Variants in XRCC4 observed in about 807,000 individuals in gnomAD.
The protein encoded by XRCC4 is DNA repair protein XRCC4.
In XRCC4, 28 loss-of-function variants were observed where a neutral mutation model predicts 39.1. The observed-to-expected ratio is 0.72, with a 90% CI of 0.53 to 0.98. The LOEUF (loss-of-function observed/expected upper bound fraction) is 0.98. Among genes scored for constraint, XRCC4 ranks in the 50% least tolerant of loss-of-function variants. The pLI, the probability that XRCC4 is intolerant of heterozygous loss-of-function variation, is 0.00. For synonymous variants in XRCC4, 123 were observed against 126.4 expected (o/e 0.97, Z 0.18); for missense variants, 350 against 376.4 (o/e 0.93, Z 0.58).
At chr5:83,124,094 A>T (rs1008444005) in intron 3 of XRCC4, among the ~76,000 whole-genome samples, 1 of 152,258 alleles carries the variant, frequency 6.6e-6, no homozygotes, top group Admixed American at 6.5e-5. Context: ...TACAGACTGT[A>T]CACAGATTTT....
intron 6 of XRCC4, among the ~76,000 whole-genome samples, chr5:83,207,281 A>T (rs1323645273): frequency 2.6e-5 from 4 of 152,100 alleles, no homozygotes. Flanking sequence ...GAGAAAGAGG[A>T]CTTTTATGTG....
Position 83,353,450 on chromosome 5 carries a change from C to G in XRCC4, c.*208C>G, listed in dbSNP as rs1367078328. ...GATGACACTGGCACATTATTCTAAA[C>G]TATTCATTCAGCATGCCTATAATTA... On this transcript the variant is annotated 3_prime_UTR_variant, in exon 8 of 8. Transcript: ENST00000396027. The G allele has an allele frequency of 1.0e-5, 4 of 389,140 alleles. No homozygotes were observed. The highest frequency in any genetic ancestry group is 1.4e-5 in the Non-Finnish European group (3 of 217,212). 24.1% of individuals were successfully genotyped at this position (389,140 alleles called of 1,614,324 possible). A position where few individuals can be genotyped will look rare whatever the true frequency, so the allele number is the denominator to read the frequency against.
intron 7 of XRCC4, among the ~76,000 whole-genome samples, chr5:83,274,743 T>C (rs1200146283): frequency 1.3e-5 from 2 of 152,120 alleles, no homozygotes; most frequent in African/African-American, 4.8e-5. Context: ...AGCAAATCCA[T>C]TGTATTGAAG....
intron 3 of XRCC4, among the ~76,000 whole-genome samples, chr5:83,191,655 A>G (rs1334511458): frequency 1.3e-5 from 2 of 152,150 alleles, no homozygotes; most frequent in African/African-American, 2.4e-5. Context: ...AGCCGAGATC[A>G]TGCCACTGTA....
At chr5:83,291,029 TAA>T (rs1322807167) in intron 7 of XRCC4, among the ~76,000 whole-genome samples, 1 of 151,906 alleles carries the variant, frequency 6.6e-6, no homozygotes. Context: ...TGGTAGAAAA[TAA>T]AGTGAACTTT....
At chr5:83,334,252 C>T (rs1330761915) in intron 7 of XRCC4, among the ~76,000 whole-genome samples, 1 of 152,064 alleles carries the variant, frequency 6.6e-6, no homozygotes, top group Non-Finnish European at 1.5e-5. Context: ...ATATATGCTA[C>T]TCTCTTGGTT....
intron 1 of XRCC4, among the ~76,000 whole-genome samples, chr5:83,092,259 C>T (rs533030856): frequency 6.6e-6 from 1 of 152,154 alleles, no homozygotes; most frequent in Non-Finnish European, 1.5e-5. Context: ...TGGATATTAG[C>T]CCTTTACCAA....
intron 3 of XRCC4, among the ~76,000 whole-genome samples, chr5:83,181,112 A>G (rs1580337597): frequency 7.5e-6 from 1 of 133,112 alleles, no homozygotes; most frequent in East Asian, 2.1e-4. Flanking sequence ...CCCTTGTTCC[A>G]TTTCCTTTTT....
At chr5:83,273,656 C>T (rs1213020825) in intron 7 of XRCC4, among the ~76,000 whole-genome samples, 3 of 152,116 alleles carry the variant, frequency 2.0e-5, no homozygotes, top group African/African-American at 7.2e-5. Flanking sequence ...TTTCCCAGCA[C>T]CATTTATTAA....
chr5:83,157,673 A>G (rs1463037799), intron 3 of XRCC4, among the ~76,000 whole-genome samples: 1 of 152,102 alleles, frequency 6.6e-6, no homozygotes, highest in African/African-American at 2.4e-5. Context: ...GTTGGAAATT[A>G]AAATAAAGTT....
chr5:83,183,277 G>T (rs1476882893), intron 3 of XRCC4, among the ~76,000 whole-genome samples: 1 of 151,972 alleles, frequency 6.6e-6, no homozygotes, highest in African/African-American at 2.4e-5. Context: ...GTGGACTCAT[G>T]TCTACACATT....
At chr5:83,264,652 CTG>C (rs1475184761) in intron 7 of XRCC4, among the ~76,000 whole-genome samples, 1 of 152,110 alleles carries the variant, frequency 6.6e-6, no homozygotes. Flanking sequence ...ACCTGGTACT[CTG>C]TGTCGTTGCA....
chr5:83,172,237 T>C (rs1167036480), intron 3 of XRCC4, among the ~76,000 whole-genome samples: 4 of 152,168 alleles, frequency 2.6e-5, no homozygotes, highest in Non-Finnish European at 5.9e-5. Context: ...GGGCTTCCAG[T>C]TGGCTCTGGA....
intron 3 of XRCC4, among the ~76,000 whole-genome samples, chr5:83,157,798 A>G (rs1749031638): frequency 6.6e-6 from 1 of 152,160 alleles, no homozygotes; most frequent in South Asian, 2.1e-4. Flanking sequence ...TGATCAATCC[A>G]GGAAGTTTAT....
chr5:83,304,401 T>G (rs781747025), intron 7 of XRCC4, among the ~76,000 whole-genome samples: 1 of 152,152 alleles, frequency 6.6e-6, no homozygotes, highest in Non-Finnish European at 1.5e-5. Context: ...GACACATGAC[T>G]CTTTTCTCTT....
Position 83,204,908 on chromosome 5 carries a change from T to C in XRCC4, c.732T>C (p.Ser244=). Residue 244 remains serine (S), a synonymous_variant, in exon 6 of 8, where the codon TCT becomes TCC. Transcript: ENST00000396027. ...AAAGTGAAAACCAAACTGATCTCTC[T>C]GGGTTGGCTTCAGGTAAGAGATACA... The part of the protein sequence containing the change: ...DEESENQTDL[S]GLASAAVSKD... The C allele has an allele frequency of 6.2e-7, 1 of 1,611,034 alleles. No homozygotes were observed. The highest frequency in any genetic ancestry group is 8.5e-7 in the Non-Finnish European group (1 of 1,177,840).
intron 7 of XRCC4, among the ~76,000 whole-genome samples, chr5:83,326,775 T>C (rs1162557343): frequency 6.6e-6 from 1 of 152,018 alleles, no homozygotes; most frequent in African/African-American, 2.4e-5. Context: ...AAGTAGAAAA[T>C]CTAAAGAAGC....
chr5:83,259,423 A>G (rs927022680), intron 7 of XRCC4: 2 of 152,090 alleles, frequency 1.3e-5, no homozygotes, highest in Admixed American at 6.6e-5. Context: ...TTTTCACAGG[A>G]TGGAATGAGG....
the XRCC4 span, among the ~76,000 whole-genome samples, chr5:83,362,294 C>CAAAAAAAAAAAAAAAAAAAA: frequency 1.4e-5 from 1 of 73,168 alleles, no homozygotes; most frequent in Non-Finnish European, 2.6e-5. Flanking sequence ...GCTATTTAGG[C>CAAAAAAAAAAAAAAAAAAAA]AAAAAAAAAA....
Sources: gnomAD v4.1 joint callset for allele counts (sites outside exome capture counted in the v4.1 genomes callset) on GRCh38, gnomAD v4.1.1 for gene constraint, MANE v1.5 for transcripts, NCBI Gene and HGNC (gene_info 2026-07-23, HGNC 2026-07-21) for gene names.